The following STX8 variants were observed in gnomAD, a reference collection of about 807,000 sequenced individuals.
The protein encoded by STX8 is syntaxin-8.
In STX8, 23 loss-of-function variants were observed where a neutral mutation model predicts 37.5. The observed-to-expected ratio is 0.61, with a 90% confidence interval of 0.44 to 0.87. The LOEUF (loss-of-function observed/expected upper bound fraction) is 0.87. Among genes scored for constraint, STX8 ranks in the 40% least tolerant of loss-of-function variants. STX8 has a pLI of 0.00. For missense variants in STX8, 313 were observed against 284.7 expected, an observed-to-expected ratio of 1.10 and a Z score of -0.71; for synonymous variants, 115 against 99.1, an observed-to-expected ratio of 1.16 and a Z score of -0.95.
chr17:9,355,950 C>T (rs1910869205), intron 7 of STX8, among the ~76,000 whole-genome samples: 2 of 152,186 alleles, frequency 1.3e-5, no homozygotes, highest in African/African-American at 4.8e-5. Context: ...CCAGGCCCAG[C>T]CCATCTCTTC....
chr17:9,399,731 C>T (rs1319381493), intron 6 of STX8, among the ~76,000 whole-genome samples: 9 of 151,176 alleles, frequency 6.0e-5, no homozygotes, highest in Admixed American at 1.3e-4. Flanking sequence ...CTGGGTGTGG[C>T]GGTGCGTGCC....
intron 6 of STX8, among the ~76,000 whole-genome samples, chr17:9,457,442 C>G (rs1905214928): frequency 6.6e-6 from 1 of 152,212 alleles, no homozygotes; most frequent in African/African-American, 2.4e-5. Flanking sequence ...CTCTCTTGCT[C>G]CCTCTTCCAC....
chr17:9,280,028 C>A, intron 7 of STX8, among the ~76,000 whole-genome samples: 1 of 152,130 alleles, frequency 6.6e-6, no homozygotes, highest in East Asian at 1.9e-4. Context: ...TGAGACCAGC[C>A]TGGGCAACAC....
At chr17:9,423,841 T>C (rs1325768217) in intron 6 of STX8, among the ~76,000 whole-genome samples, 4 of 152,178 alleles carry the variant, frequency 2.6e-5, no homozygotes, top group Admixed American at 2.6e-4. Context: ...ACGCCGTCCA[T>C]ATCAGTCACG....
chr17:9,371,818 C>T (rs1038113894), intron 7 of STX8, among the ~76,000 whole-genome samples: 1 of 151,988 alleles, frequency 6.6e-6, no homozygotes, highest in African/African-American at 2.4e-5. Context: ...TGCTTTCAAG[C>T]TTGTCATTTT....
intron 2 of STX8, among the ~76,000 whole-genome samples, chr17:9,566,897 A>G (rs1907481250): frequency 6.6e-6 from 1 of 152,244 alleles, no homozygotes; most frequent in Non-Finnish European, 1.5e-5. Context: ...GGTAGACCAG[A>G]CAGAGAAAAT....
In STX8 at chr17:9,465,690, G is replaced by A. The variant is rs117865572; in HGVS notation, c.541+26139C>T. ...TATGAAAAACTGAACAGCGCTATGCGGTATCGGATCACTCGAACAACGACG... is the reference window on the plus strand; with the variant it reads ...TATGAAAAACTGAACAGCGCTATGCAGTATCGGATCACTCGAACAACGACG... On this transcript the variant is annotated intron_variant, in intron 6 of 7. Transcript: ENST00000306357. Among the ~76,000 whole-genome samples, 1,238 of 152,246 alleles carry A rather than the reference G, an allele frequency of 8.1e-3. 33 individuals are homozygous for A. The highest frequency in any genetic ancestry group is 0.04 in the East Asian group (208 of 5,178).
chr17:9,460,035 G>A (rs1246479346), intron 6 of STX8, among the ~76,000 whole-genome samples: 1 of 152,230 alleles, frequency 6.6e-6, no homozygotes, highest in African/African-American at 2.4e-5. Flanking sequence ...GGAGGGCACA[G>A]AAGGCCATGT....
intron 4 of STX8, among the ~76,000 whole-genome samples, chr17:9,538,321 T>C (rs1354680888): frequency 1.3e-5 from 2 of 152,216 alleles, no homozygotes; most frequent in Non-Finnish European, 2.9e-5. Context: ...GAAGAGTAGG[T>C]TGGTCACGTG....
intron 6 of STX8, among the ~76,000 whole-genome samples, chr17:9,463,908 C>A (rs1192874464): frequency 7.4e-5 from 10 of 135,282 alleles, no homozygotes; most frequent in Admixed American, 7.5e-5. Flanking sequence ...AACTCCATCT[C>A]AAAAAAAAAA....
At chr17:9,364,243 A>G (rs1911153273) in intron 7 of STX8, among the ~76,000 whole-genome samples, 1 of 152,180 alleles carries the variant, frequency 6.6e-6, no homozygotes, top group Admixed American at 6.5e-5. Context: ...ATATCCAGCA[A>G]TGCCAATATA....
chr17:9,389,351 T>G (rs1039032497), intron 6 of STX8, among the ~76,000 whole-genome samples: 6 of 152,234 alleles, frequency 3.9e-5, no homozygotes, highest in Admixed American at 3.3e-4. Flanking sequence ...TAGTTCAGAT[T>G]CCTGACTGTA....
rs563723486 is a variant in STX8, at chr17:9,259,298, C to T, written c.644-8653G>A. 3.3e-5 allele frequency among the ~76,000 whole-genome samples: 5 copies of T among 152,224 alleles called. No individual in the cohort carries two copies. The South Asian group carries it at 8.3e-4, about 25-fold the overall frequency. On this transcript the variant is annotated intron_variant, in intron 7 of 7. Transcript: ENST00000306357. ...TGGCACTCAATAAATGGTAACTCTCCCAACAATAATTATTACTCCTCGTAA... is the reference window on the plus strand; with the variant it reads ...TGGCACTCAATAAATGGTAACTCTCTCAACAATAATTATTACTCCTCGTAA...
intron 6 of STX8, among the ~76,000 whole-genome samples, chr17:9,418,655 G>A (rs1440317606): frequency 3.3e-5 from 5 of 151,144 alleles, no homozygotes; most frequent in South Asian, 2.1e-4. Flanking sequence ...GTGAAACCCC[G>A]TCTCTACTAA....
At chr17:9,570,470 A>G (rs1035171472) in intron 1 of STX8, among the ~76,000 whole-genome samples, 1 of 152,064 alleles carries the variant, frequency 6.6e-6, no homozygotes, top group African/African-American at 2.4e-5. Context: ...ATATTCATAT[A>G]TATCACATAC....
At chr17:9,460,223 TATTTA>T (rs1286046557) in intron 6 of STX8, among the ~76,000 whole-genome samples, 1 of 152,190 alleles carries the variant, frequency 6.6e-6, no homozygotes, top group African/African-American at 2.4e-5. Context: ...AGGAAATGCT[TATTTA>T]GCTTCTGGGA....
At chr17:9,255,378 T>C (rs529894548) in intron 7 of STX8, among the ~76,000 whole-genome samples, 19 of 151,938 alleles carry the variant, frequency 1.3e-4, no homozygotes, top group African/African-American at 4.3e-4. Flanking sequence ...AATACAAAAA[T>C]TAACCGGGCA....
intron 6 of STX8, among the ~76,000 whole-genome samples, chr17:9,470,225 C>T (rs983390730): frequency 2.6e-5 from 4 of 152,208 alleles, no homozygotes; most frequent in Admixed American, 6.5e-5. Flanking sequence ...TGTCTCTTCC[C>T]AGAATAAACC....
chr17:9,450,869 A>G (rs1396334971), intron 6 of STX8, among the ~76,000 whole-genome samples: 1 of 152,078 alleles, frequency 6.6e-6, no homozygotes. Context: ...GGAAGTCCAA[A>G]TGACATCCTG....
Sources: gnomAD v4.1 joint callset for allele counts (sites outside exome capture counted in the v4.1 genomes callset) on GRCh38, gnomAD v4.1.1 for gene constraint, MANE v1.5 for transcripts, NCBI Gene and HGNC (gene_info 2026-07-23, HGNC 2026-07-21) for gene names.